The following ATG16L2 variants were observed in gnomAD, a reference collection of about 807,000 sequenced individuals.
The protein encoded by ATG16L2 is autophagy related 16 like 2.
Under a neutral mutation model 84.7 loss-of-function variants are expected in ATG16L2, and 77 were observed. The observed-to-expected ratio is 0.91, with a 90% CI of 0.76 to 1.10. The LOEUF is 1.10. Ranked by LOEUF, ATG16L2 falls within the 50% of genes least tolerant of loss-of-function variation. The pLI is 0.00. For synonymous variants in ATG16L2, 361 were observed against 342.8 expected, an observed-to-expected ratio of 1.05 and a Z score of -0.59; for missense variants, 782 against 817.6, an observed-to-expected ratio of 0.96 and a Z score of 0.53.
At chr11:72,823,316 T>A (rs900968403) in intron 7 of ATG16L2, 5 of 322,072 alleles carry the variant, frequency 1.6e-5, no homozygotes, top group Admixed American at 4.7e-5. Context: ...TGTGCAAGCA[T>A]GTGCATCCGC....
chr11:72,842,912 C>G, exon 6 of ATG16L2: 1 of 1,176,352 alleles, frequency 8.5e-7, no homozygotes, highest in South Asian at 1.3e-5. Flanking sequence ...CACCCCTATG[C>G]TCACATGACA....
At position 72,822,581 on chromosome 11, in the gene ATG16L2, T is replaced by C. The variant is rs1591303590; in HGVS notation, c.710+38T>C. 3 of 1,340,510 alleles carry C rather than the reference T, an allele frequency of 2.2e-6. No individual in the cohort carries two copies. The African/African-American group carries it at 4.4e-5, about 20-fold the overall frequency. The allele number at this position is 1,340,510 out of a possible 1,614,324, so 83.0% of individuals were successfully genotyped here. On this transcript the variant is annotated intron_variant, in intron 6 of 17. Transcript: ENST00000321297. This position sits in a 1 kb window ranked among gnomAD's most constrained non-coding sequence, Gnocchi z 4.2. ...ATGGGCCGGTCCGACCCTTGCGTTC[T>C]GCCTCCCGCCCCGCCTGCCTGCGGC...
intron 5 of ATG16L2, chr11:72,840,828 A>G: frequency 1.5e-6 from 2 of 1,351,106 alleles, no homozygotes; most frequent in Non-Finnish European, 2.1e-6. Context: ...CCTTACTTTC[A>G]ATTTGGAAGA....
rs1392450143 is a variant in ATG16L2 at position 72,838,934 on chromosome 11, C to A, written c.*22-3683C>A. 3.4e-6 allele frequency: 5 copies of A among 1,455,896 alleles called. No homozygotes were observed. In the South Asian group the frequency reaches 4.8e-5, roughly 14 times the overall value. 90.2% of individuals were successfully genotyped at this position (1,455,896 alleles called of 1,614,324 possible). On this transcript the variant is annotated intron_variant, in intron 5 of 5. Coordinates refer to the ATG16L2 transcript ENST00000534905. Reference sequence around the variant, plus strand: ...GTTCCTGACTCAGTATCTGAAGCATCCCCAAAACCTAATCACTCATCTGTC... The same window carrying A: ...GTTCCTGACTCAGTATCTGAAGCATACCCAAAACCTAATCACTCATCTGTC...
chr11:72,821,289 G>A, intron 3 of ATG16L2: 1 of 1,027,344 alleles, frequency 9.7e-7, no homozygotes, highest in Middle Eastern at 4.8e-4. Context: ...GGCCGGATGG[G>A]CATTTGGCAG....
rs778057497 is a variant in ATG16L2, at chr11:72,829,611, A to C, written c.*221A>C. 1 of 1,349,716 alleles carries C rather than the reference A, an allele frequency of 7.4e-7. No individual in the cohort carries two copies. Among genetic ancestry groups the C allele is most frequent in the Non-Finnish European group, 9.5e-7 (1 of 1,050,138 alleles). 83.6% of individuals were successfully genotyped at this position (1,349,716 alleles called of 1,614,324 possible). A position where few individuals can be genotyped will look rare whatever the true frequency, so the allele number is the denominator to read the frequency against. ...TCTCTATCTCCTCACTTTTTCTCCC[A>C]AAGTAGAAAAAAATGATATCTGAAC... On this transcript the variant is annotated 3_prime_UTR_variant, in exon 18 of 18. Coordinates refer to ENST00000321297, the MANE Select transcript of ATG16L2 (RefSeq NM_033388.2).
At chr11:72,829,891 C>T (rs573305762), downstream of ATG16L2, among the ~76,000 whole-genome samples, 1 of 152,308 alleles carries the variant, frequency 6.6e-6, no homozygotes, top group South Asian at 2.1e-4. Flanking sequence ...ATGTTGGGCC[C>T]ACCTGCTTCA....
At position 72,829,180 on chromosome 11, in the gene ATG16L2, G is replaced by T. The variant is rs891657; in HGVS notation, c.1773-123G>T. On this transcript the variant is annotated intron_variant, in intron 17 of 17. Transcript: ENST00000321297. ...TTTCCACAGCCCTGTGAGCTAACTT[G>T]ACAGATGAGGAAACAGGCTCAAGAG... 1,188,206 of 1,190,328 alleles carry T rather than the reference G, an allele frequency of 1. 593,070 individuals carry two copies. Among genetic ancestry groups the T allele is most frequent in the Non-Finnish European group, 1 (842,609 of 842,624 alleles). The allele number at this position is 1,190,328 out of a possible 1,614,324, so 73.7% of individuals were successfully genotyped here. A position where few individuals can be genotyped will look rare whatever the true frequency, so the allele number is the denominator to read the frequency against.
At chr11:72,816,615 C>T (rs567658642) in intron 1 of ATG16L2, 113 bp from the exon 2 acceptor site, 2 of 828,698 alleles carry the variant, frequency 2.4e-6, no homozygotes, top group African/African-American at 3.3e-5. Context: ...AGAAGCTTCC[C>T]CATCCCTAGC....
chr11:72,830,909 TGCA>T (rs2135130833), downstream of ATG16L2, among the ~76,000 whole-genome samples: 1 of 152,340 alleles, frequency 6.6e-6, no homozygotes, highest in Admixed American at 6.5e-5. Flanking sequence ...GGCCTATAGG[TGCA>T]TGCCACCGTG....
chr11:72,815,310 T>G (rs1157714312), intron 1 of ATG16L2, among the ~76,000 whole-genome samples: 1 of 152,214 alleles, frequency 6.6e-6, no homozygotes, highest in Non-Finnish European at 1.5e-5. Context: ...GCTCTCTCAC[T>G]GGGGCTAATC....
chr11:72,842,539 C>T, intron 5 of ATG16L2: 4 of 1,554,610 alleles, frequency 2.6e-6, no homozygotes, highest in Non-Finnish European at 3.5e-6. Flanking sequence ...GACTGCAGCC[C>T]ACTTTTGTGT....
chr11:72,821,646 G>A (rs1228751884), intron 3 of ATG16L2, 22 bp from the exon 4 acceptor site: 4 of 1,529,030 alleles, frequency 2.6e-6, no homozygotes, highest in Admixed American at 4.0e-5. Flanking sequence ...CAGCGCCGCC[G>A]TGCCCACCTG....
Position 72,826,188 on chromosome 11 carries a change from A to C in ATG16L2, c.1118A>C (p.Asn373Thr). 6.2e-7 allele frequency: 1 copy of C among 1,613,606 alleles called. No homozygotes were observed. The highest frequency in any genetic ancestry group is 8.5e-7 in the Non-Finnish European group (1 of 1,179,638). ...WNVVGSRLEA[N>T]QTLEGAGGSI... is the part of the protein sequence containing the mutation. Reference sequence around the variant, plus strand: ...GTCCTCCCAGGTCGCCTGGAGGCCAACCAGACCCTGGAGGGAGCTGGTGGC... The same window carrying C: ...GTCCTCCCAGGTCGCCTGGAGGCCACCCAGACCCTGGAGGGAGCTGGTGGC... The change falls in exon 11 of 18, where the codon AAC becomes ACC. Residue 373 changes from asparagine to threonine, a missense_variant. Physicochemically the swap from Asn to Thr is moderately conservative, Grantham distance 65. Coordinates refer to ENST00000321297, the MANE Select transcript of ATG16L2 (RefSeq NM_033388.2).
chr11:72,840,834 G>C, intron 5 of ATG16L2: 2 of 1,384,288 alleles, frequency 1.4e-6, no homozygotes, highest in East Asian at 2.3e-5. Context: ...TTTCAATTTG[G>C]AAGAACTATG....
chr11:72,821,362 C>T, intron 3 of ATG16L2: 1 of 1,192,560 alleles, frequency 8.4e-7, no homozygotes, highest in Non-Finnish European at 1.0e-6. Context: ...GCTGGCTTCC[C>T]ACTCTTCAGG....
downstream of ATG16L2, among the ~76,000 whole-genome samples, chr11:72,833,780 G>A (rs1478731320): frequency 3.3e-5 from 5 of 152,132 alleles, no homozygotes; most frequent in South Asian, 4.2e-4. Context: ...AAAATTAGCC[G>A]GGTGTGGTGG....
In ATG16L2 at chr11:72,822,208, A is replaced by G; in HGVS notation, c.557A>G (p.Glu186Gly). 1 of 1,505,586 alleles carries G rather than the reference A, an allele frequency of 6.6e-7. No homozygotes were observed. The highest frequency in any genetic ancestry group is 8.8e-7 in the Non-Finnish European group (1 of 1,136,732). 93.3% of individuals were successfully genotyped at this position (1,505,586 alleles called of 1,614,324 possible). A position where few individuals can be genotyped will look rare whatever the true frequency, so the allele number is the denominator to read the frequency against. Residue 186 changes from glutamate (E) to glycine (G), a missense_variant, in exon 5 of 18, where the codon GAA becomes GGA. Glu to Gly is a moderately conservative substitution (Grantham distance 98). Coordinates refer to ENST00000321297, the MANE Select transcript of ATG16L2 (RefSeq NM_033388.2). The surrounding 1 kb of genome is among the most constrained non-coding windows in gnomAD (Gnocchi z 4.2). Reference sequence around the variant, plus strand: ...GAGGCGGCACTGCGCAGGCTCCAGGAAGAGGCGCGCGACCTGCTGGAGAGG... The same window carrying G: ...GAGGCGGCACTGCGCAGGCTCCAGGGAGAGGCGCGCGACCTGCTGGAGAGG... ...LREAALRRLQ[E>G]EARDLLERLV...
intron 10 of ATG16L2, 105 bp downstream of exon 10, chr11:72,825,512 T>C (rs1350246229): frequency 1.2e-6 from 1 of 837,614 alleles, no homozygotes; most frequent in East Asian, 2.5e-5. Flanking sequence ...TGTTTCTCTA[T>C]CTGGAATATT....
Sources: allele counts gnomAD v4.1 joint callset (sites outside exome capture counted in the v4.1 genomes callset), GRCh38; gene constraint gnomAD v4.1.1; non-coding constraint Gnocchi (gnomAD v3.1); transcripts MANE v1.5; gene names NCBI Gene and HGNC (gene_info 2026-07-23, HGNC 2026-07-21).